Variants in GRM8 observed in about 807,000 individuals in gnomAD.
The protein encoded by GRM8 is metabotropic glutamate receptor 8.
A neutral mutation model predicts 87.2 loss-of-function variants in GRM8; 47 were observed. The observed-to-expected ratio is 0.54, with a 90% CI of 0.43 to 0.69. The LOEUF is 0.69. GRM8 is among the 30% of genes least tolerant of loss of function. GRM8 has a pLI of 0.00. For missense variants in GRM8, 1,019 were observed against 1,139.2 expected (o/e 0.89, Z 1.52); for synonymous variants, 396 against 404.5 (o/e 0.98, Z 0.25).
chr7:126,713,381 G>A (rs1310647512), intron 7 of GRM8, among the ~76,000 whole-genome samples: 1 of 152,122 alleles, frequency 6.6e-6, no homozygotes, highest in Non-Finnish European at 1.5e-5. Flanking sequence ...TCACTCATAA[G>A]TGGGAGTTGA....
At chr7:127,086,455 G>T (rs986168351) in intron 3 of GRM8, among the ~76,000 whole-genome samples, 15 of 152,088 alleles carry the variant, frequency 9.9e-5, no homozygotes, top group African/African-American at 2.9e-4. Context: ...AAGCAATCTT[G>T]AGCAGTCATC....
chr7:127,066,957 C>T (rs1467007686), intron 3 of GRM8, among the ~76,000 whole-genome samples: 4 of 152,184 alleles, frequency 2.6e-5, no homozygotes, highest in African/African-American at 7.2e-5. Flanking sequence ...GACAGCAGGG[C>T]TCAGAGAGGC....
chr7:126,580,625 T>C (rs982836293), intron 8 of GRM8, among the ~76,000 whole-genome samples: 1 of 152,146 alleles, frequency 6.6e-6, no homozygotes, highest in East Asian at 1.9e-4. Flanking sequence ...GCTTTTGAAT[T>C]TTAGCTATGT....
intron 8 of GRM8, among the ~76,000 whole-genome samples, chr7:126,585,961 C>A (rs1308486187): frequency 6.6e-6 from 1 of 152,144 alleles, no homozygotes; most frequent in Non-Finnish European, 1.5e-5. Context: ...TCTCCTTAAG[C>A]TGATAAGCAA....
chr7:126,558,101 T>G (rs1015013098), intron 8 of GRM8, among the ~76,000 whole-genome samples: 6 of 152,180 alleles, frequency 3.9e-5, no homozygotes, highest in African/African-American at 1.2e-4. Flanking sequence ...TAAAGCAACT[T>G]GAGTAAGCTC....
intron 2 of GRM8, among the ~76,000 whole-genome samples, chr7:127,143,825 T>C (rs1698885136): frequency 6.6e-6 from 1 of 152,164 alleles, no homozygotes; most frequent in African/African-American, 2.4e-5. Flanking sequence ...TTAATGGTCA[T>C]TAAAACACTA....
At chr7:126,475,309 C>T (rs981587744) in intron 9 of GRM8, among the ~76,000 whole-genome samples, 1 of 151,600 alleles carries the variant, frequency 6.6e-6, no homozygotes, top group Non-Finnish European at 1.5e-5. Context: ...ATATAAAAAT[C>T]GGTTGAATTT....
intron 7 of GRM8, among the ~76,000 whole-genome samples, chr7:126,762,264 C>A (rs1234097918): frequency 6.6e-6 from 1 of 151,502 alleles, no homozygotes. Flanking sequence ...GTAAAGAACG[C>A]CTTTGACTTT....
chr7:126,757,789 G>T (rs1370658440), intron 7 of GRM8, among the ~76,000 whole-genome samples: 2 of 152,096 alleles, frequency 1.3e-5, no homozygotes, highest in Non-Finnish European at 2.9e-5. Flanking sequence ...AAGCTAGGAG[G>T]TGTATTATAT....
At chr7:127,065,958 T>C (rs185435518) in intron 3 of GRM8, among the ~76,000 whole-genome samples, 237 of 152,356 alleles carry the variant, frequency 1.6e-3, no homozygotes, top group Non-Finnish European at 3.0e-3. Context: ...ATCATTGAAA[T>C]CATTCACGAT....
At chr7:126,550,547 G>A (rs1163176085) in intron 8 of GRM8, among the ~76,000 whole-genome samples, 1 of 151,964 alleles carries the variant, frequency 6.6e-6, no homozygotes, top group Non-Finnish European at 1.5e-5. Context: ...AACATATAAT[G>A]CAACCACTTA....
At chr7:126,498,354 C>T (rs1378298921) in intron 9 of GRM8, among the ~76,000 whole-genome samples, 3 of 151,968 alleles carry the variant, frequency 2.0e-5, no homozygotes, top group African/African-American at 4.8e-5. Context: ...GTATTAAGGG[C>T]CAAAGAGAGG....
chr7:126,779,591 C>T (rs992275672), intron 6 of GRM8, among the ~76,000 whole-genome samples: 12 of 152,154 alleles, frequency 7.9e-5, no homozygotes, highest in African/African-American at 2.9e-4. Context: ...ACTAAGCCTC[C>T]ATTTGCTAAC....
At chr7:127,086,732 C>T (rs1308344138) in intron 3 of GRM8, among the ~76,000 whole-genome samples, 1 of 152,222 alleles carries the variant, frequency 6.6e-6, no homozygotes, top group Non-Finnish European at 1.5e-5. Context: ...GTGCCTATCA[C>T]AGCATTGTGC....
chr7:126,838,938 G>T (rs2130548900), intron 6 of GRM8, among the ~76,000 whole-genome samples: 1 of 152,308 alleles, frequency 6.6e-6, no homozygotes, highest in South Asian at 2.1e-4. Flanking sequence ...AGCCCTAGGT[G>T]CAGGTGACTG....
intron 7 of GRM8, chr7:126,701,947 C>G (rs1809978348): frequency 5.8e-6 from 2 of 342,486 alleles, no homozygotes; most frequent in Middle Eastern, 3.9e-4. Flanking sequence ...AATCATGCTA[C>G]CCATTTCTTT....
At position 126,685,094 on chromosome 7, in the gene GRM8, A is replaced by G. The variant is rs914046538; in HGVS notation, c.1358-75596T>C. 6.6e-6 allele frequency among the ~76,000 whole-genome samples: 1 copy of G among 152,166 alleles called. No homozygotes were observed. The highest frequency in any genetic ancestry group is 2.4e-5 in the African/African-American group (1 of 41,440). ...GACTGCACTGCCCCCACCTTCACGC[A>G]GCCGGGCAGTACCCACTCCAGGCCC... On this transcript the variant is annotated intron_variant, in intron 7 of 10. Transcript: ENST00000339582. This position sits in a 1 kb window ranked among gnomAD's most constrained non-coding sequence, Gnocchi z 4.2.
At position 126,796,525 on chromosome 7, in the gene GRM8, C is replaced by G. The variant is rs368563793; in HGVS notation, c.1157-26460G>C. Among the ~76,000 whole-genome samples, 3 of 152,130 alleles carry G rather than the reference C, an allele frequency of 2.0e-5. No individual in the cohort carries two copies. In the East Asian group the frequency reaches 5.8e-4, roughly 29 times the overall value. On this transcript the variant is annotated intron_variant, in intron 6 of 10. Transcript: ENST00000339582. ...AATGACCATTTGTCATGGCTCCTGGCAAACTATTTCTCACTAATATAATGA... is the reference window on the plus strand; with the variant it reads ...AATGACCATTTGTCATGGCTCCTGGGAAACTATTTCTCACTAATATAATGA...
chr7:127,057,585 C>A (rs1441146463), intron 3 of GRM8, among the ~76,000 whole-genome samples: 1 of 152,080 alleles, frequency 6.6e-6, no homozygotes, highest in Non-Finnish European at 1.5e-5. Context: ...AATCATTTCT[C>A]CTTTTTAACA....
Sources: allele counts gnomAD v4.1 joint callset (sites outside exome capture counted in the v4.1 genomes callset), GRCh38; gene constraint gnomAD v4.1.1; non-coding constraint Gnocchi (gnomAD v3.1); transcripts MANE v1.5; gene names NCBI Gene and HGNC (gene_info 2026-07-23, HGNC 2026-07-21).